The following ITGBL1 variants were observed in gnomAD, a reference collection of about 807,000 sequenced individuals.
ITGBL1 encodes the protein integrin beta-like protein 1.
In ITGBL1, 51 loss-of-function variants were observed where a neutral mutation model predicts 68.5. The observed-to-expected ratio is 0.74, with a 90% CI of 0.59 to 0.94. The LOEUF is 0.94. Among genes scored for constraint, ITGBL1 ranks in the 40% least tolerant of loss-of-function variants. The pLI, the probability that ITGBL1 is intolerant of heterozygous loss-of-function variation, is 0.00. For synonymous variants in ITGBL1, 209 were observed against 227.3 expected (o/e 0.92, Z 0.72); for missense variants, 649 against 647.4 (o/e 1.00, Z -0.03).
At chr13:101,614,369 C>T (rs1594931273) in intron 7 of ITGBL1, among the ~76,000 whole-genome samples, 1 of 151,988 alleles carries the variant, frequency 6.6e-6, no homozygotes, top group Non-Finnish European at 1.5e-5. Context: ...GTTCTGTTAC[C>T]ACAACAGTAC....
chr13:101,471,215 C>T (rs1376835240), intron 2 of ITGBL1, among the ~76,000 whole-genome samples: 3 of 152,080 alleles, frequency 2.0e-5, no homozygotes, highest in South Asian at 2.1e-4. Flanking sequence ...AAAACTGGCT[C>T]GATTTTGGGA....
intron 2 of ITGBL1, among the ~76,000 whole-genome samples, chr13:101,563,901 A>C (rs943547941): frequency 5.3e-5 from 8 of 151,902 alleles, no homozygotes; most frequent in Non-Finnish European, 1.0e-4. Flanking sequence ...CTTTAATAGA[A>C]TATTAGCAAA....
chr13:101,674,284 C>T (rs2033447439), intron 7 of ITGBL1, among the ~76,000 whole-genome samples: 1 of 152,182 alleles, frequency 6.6e-6, no homozygotes, highest in Non-Finnish European at 1.5e-5. Flanking sequence ...CTAAGAATAG[C>T]TGTTTCAAAA....
chr13:101,649,598 A>G (rs376628911), intron 7 of ITGBL1, among the ~76,000 whole-genome samples: 3 of 152,100 alleles, frequency 2.0e-5, no homozygotes, highest in Non-Finnish European at 2.9e-5. Context: ...TTCCAGTCCA[A>G]TGAGGTAATG....
intron 6 of ITGBL1, among the ~76,000 whole-genome samples, chr13:101,591,300 C>T (rs1392352433): frequency 6.6e-6 from 1 of 152,070 alleles, no homozygotes; most frequent in Non-Finnish European, 1.5e-5. Context: ...TACAAAAATT[C>T]CCATACTGTA....
At chr13:101,615,074 C>A (rs7139608) in intron 7 of ITGBL1, among the ~76,000 whole-genome samples, 89,192 of 151,924 alleles carry the variant, frequency 0.59, 27,174 homozygotes, top group Middle Eastern at 0.69. Context: ...GGATCCCTCC[C>A]AAGGATCTAG....
intron 7 of ITGBL1, among the ~76,000 whole-genome samples, chr13:101,613,215 G>A (rs546063850): frequency 2.0e-5 from 3 of 152,130 alleles, no homozygotes; most frequent in South Asian, 4.2e-4. Flanking sequence ...ACAATTTTAC[G>A]GGCTTACAAG....
chr13:101,548,740 A>G (rs893073582), intron 2 of ITGBL1, among the ~76,000 whole-genome samples: 2 of 151,850 alleles, frequency 1.3e-5, no homozygotes, highest in African/African-American at 4.8e-5. Context: ...ATCTGAAACA[A>G]AAGGATTATT....
intron 3 of ITGBL1, among the ~76,000 whole-genome samples, chr13:101,570,391 AC>A (rs910584668): frequency 2.6e-5 from 4 of 152,052 alleles, no homozygotes; most frequent in African/African-American, 9.7e-5. Context: ...GCTTCACTGC[AC>A]CTTTGGAATC....
intron 7 of ITGBL1, among the ~76,000 whole-genome samples, chr13:101,652,368 C>T (rs1001258833): frequency 7.2e-5 from 11 of 152,092 alleles, no homozygotes; most frequent in Non-Finnish European, 1.6e-4. Context: ...GTTACCTAAA[C>T]CCTGTAAGTC....
At chr13:101,479,821 A>C (rs143963508) in intron 2 of ITGBL1, among the ~76,000 whole-genome samples, 4 of 151,892 alleles carry the variant, frequency 2.6e-5, no homozygotes, top group Non-Finnish European at 5.9e-5. Context: ...TCCCACCAAC[A>C]GTGTATGAGA....
intron 4 of ITGBL1, among the ~76,000 whole-genome samples, chr13:101,578,645 C>T (rs1470788469): frequency 6.6e-6 from 1 of 152,070 alleles, no homozygotes; most frequent in Non-Finnish European, 1.5e-5. Flanking sequence ...TGGTGAGTGC[C>T]CTTACCTGTC....
intron 7 of ITGBL1, among the ~76,000 whole-genome samples, chr13:101,672,399 C>T (rs966105124): frequency 4.7e-4 from 72 of 152,176 alleles, no homozygotes; most frequent in African/African-American, 1.3e-3. Flanking sequence ...TCTTTTCTTA[C>T]GAAGAGCAGC....
chr13:101,618,464 A>G (rs1290766305), intron 7 of ITGBL1, among the ~76,000 whole-genome samples: 1 of 152,198 alleles, frequency 6.6e-6, no homozygotes, highest in African/African-American at 2.4e-5. Flanking sequence ...TATTTTAATT[A>G]AAAGACCTTA....
intron 2 of ITGBL1, among the ~76,000 whole-genome samples, chr13:101,527,285 T>G (rs1361794869): frequency 6.6e-6 from 1 of 152,130 alleles, no homozygotes; most frequent in Non-Finnish European, 1.5e-5. Flanking sequence ...AGGCAACCAC[T>G]GAGCTACTTT....
At chr13:101,483,412 A>G (rs1245771374) in intron 2 of ITGBL1, among the ~76,000 whole-genome samples, 1 of 152,240 alleles carries the variant, frequency 6.6e-6, no homozygotes, top group African/African-American at 2.4e-5. Flanking sequence ...CACAAACAGC[A>G]AAGATTCAGT....
At chr13:101,565,210 T>C (rs528050884) in intron 2 of ITGBL1, among the ~76,000 whole-genome samples, 1 of 152,226 alleles carries the variant, frequency 6.6e-6, no homozygotes, top group East Asian at 1.9e-4. Flanking sequence ...AGCCATGTTA[T>C]TGACACTGTA....
At chr13:101,665,045 A>G (rs919530886) in intron 7 of ITGBL1, among the ~76,000 whole-genome samples, 1 of 152,174 alleles carries the variant, frequency 6.6e-6, no homozygotes. Context: ...ATACATTCTT[A>G]AATACTATAG....
At chr13:101,523,128 A>C (rs1389516820) in intron 2 of ITGBL1, among the ~76,000 whole-genome samples, 1 of 152,210 alleles carries the variant, frequency 6.6e-6, no homozygotes, top group Non-Finnish European at 1.5e-5. Flanking sequence ...TCTATGAAAC[A>C]AATGTTATTT....
Sources: gnomAD v4.1 joint callset for allele counts (sites outside exome capture counted in the v4.1 genomes callset) on GRCh38, gnomAD v4.1.1 for gene constraint, MANE v1.5 for transcripts, NCBI Gene and HGNC (gene_info 2026-07-23, HGNC 2026-07-21) for gene names.